Variants in ASAP2 observed in about 807,000 individuals in gnomAD.
ASAP2 encodes arf-GAP with SH3 domain, ANK repeat and PH domain-containing protein 2.
ASAP2 carries 45 observed loss-of-function variants against 131.4 expected under a neutral mutation model. The ratio of observed to expected loss-of-function variants is 0.34; its 90% CI spans 0.27 to 0.44. The LOEUF (loss-of-function observed/expected upper bound fraction) is 0.44. Among genes scored for constraint, ASAP2 ranks in the 20% least tolerant of loss-of-function variants. The pLI, the probability that ASAP2 is intolerant of heterozygous loss-of-function variation, is 1.00. For missense variants in ASAP2, 1,011 were observed against 1,297.0 expected (o/e 0.78, Z 3.39); for synonymous variants, 510 against 503.0 (o/e 1.01, Z -0.19).
chr2:9,254,502 A>T (rs13010031), intron 1 of ASAP2, among the ~76,000 whole-genome samples: 67,650 of 129,412 alleles, frequency 0.52, 19,052 homozygotes, highest in African/African-American at 0.72. Flanking sequence ...ACAGGCATGC[A>T]CCACTACCCC....
At chr2:9,368,302 A>C (rs900707820) in intron 15 of ASAP2, 123 bp from the exon 16 acceptor site, 2 of 893,292 alleles carry the variant, frequency 2.2e-6, no homozygotes, top group African/African-American at 3.3e-5. Flanking sequence ...CATTAAAGGC[A>C]AACCACTTTA....
chr2:9,235,203 G>T (rs1211622615), intron 1 of ASAP2, among the ~76,000 whole-genome samples: 4 of 152,216 alleles, frequency 2.6e-5, no homozygotes, highest in Admixed American at 1.3e-4. Context: ...TAGAGATGGG[G>T]CCTGTAGTTT....
rs939024300 is a variant in ASAP2 at position 9,402,355 on chromosome 2, C to T, written c.2947-898C>T. Among the ~76,000 whole-genome samples, 7 of 152,322 alleles carry T rather than the reference C, an allele frequency of 4.6e-5. 1 individual carries two copies. Among genetic ancestry groups the T allele is most frequent in the Admixed American group, 3.3e-4 (5 of 15,308 alleles). On this transcript the variant is annotated intron_variant, in intron 27 of 27. Coordinates refer to ENST00000281419, the MANE Select transcript of ASAP2 (RefSeq NM_003887.3). ...GGATTGAAAGTGTCTGTGGCCTGGG[C>T]GCGGTGGCTCACGCCCATAATCCCA...
intron 7 of ASAP2, among the ~76,000 whole-genome samples, chr2:9,334,032 C>CT (rs1191657095): frequency 7.6e-6 from 1 of 131,680 alleles, no homozygotes; most frequent in Non-Finnish European, 1.6e-5. Context: ...CTGTCTCTGT[C>CT]TTTCTCCTTT....
intron 19 of ASAP2, among the ~76,000 whole-genome samples, chr2:9,379,862 C>T (rs528523300): frequency 7.9e-5 from 12 of 151,924 alleles, no homozygotes; most frequent in East Asian, 7.8e-4. Context: ...TATGGTGGCG[C>T]GCACCTGTAG....
intron 1 of ASAP2, among the ~76,000 whole-genome samples, chr2:9,276,931 T>C (rs1666798027): frequency 6.6e-6 from 1 of 152,208 alleles, no homozygotes; most frequent in African/African-American, 2.4e-5. Context: ...CTTCTAATGC[T>C]TCCAGAGAGC....
chr2:9,348,371 T>A (rs1464155453), intron 11 of ASAP2, among the ~76,000 whole-genome samples: 2 of 152,208 alleles, frequency 1.3e-5, no homozygotes, highest in Non-Finnish European at 2.9e-5. Context: ...GTGATCTACC[T>A]GCCTCAGCCT....
intron 12 of ASAP2, 55 bp from the exon 13 acceptor site, chr2:9,355,992 A>T: frequency 6.3e-7 from 1 of 1,586,386 alleles, no homozygotes; most frequent in Non-Finnish European, 8.7e-7. Context: ...TTTCTTTTGG[A>T]ATTGTGTATG....
chr2:9,303,018 T>C (rs1198248682), intron 3 of ASAP2, among the ~76,000 whole-genome samples: 4 of 152,190 alleles, frequency 2.6e-5, no homozygotes, highest in Non-Finnish European at 5.9e-5. Flanking sequence ...GTAAGGCTTG[T>C]CTCGTCACTC....
At chr2:9,224,982 A>G (rs1191084568) in intron 1 of ASAP2, among the ~76,000 whole-genome samples, 1 of 152,168 alleles carries the variant, frequency 6.6e-6, no homozygotes, top group Admixed American at 6.5e-5. Flanking sequence ...GGCTAGCTTG[A>G]GTCAAGGTGC....
At chr2:9,258,332 G>GTTTTTTTTTTTTTT (rs769009726) in intron 1 of ASAP2, among the ~76,000 whole-genome samples, 1 of 112,546 alleles carries the variant, frequency 8.9e-6, no homozygotes, top group Non-Finnish European at 1.8e-5. Flanking sequence ...GTAATCAGTA[G>GTTTTTTTTTTTTTT]TTGTTTTTTT....
intron 27 of ASAP2, 118 bp from the exon 28 acceptor site, chr2:9,403,135 C>A: frequency 1.3e-6 from 1 of 772,460 alleles, no homozygotes; most frequent in South Asian, 1.7e-5. Context: ...AATTCCTTGT[C>A]GGAAGAGTCT....
At chr2:9,371,137 C>G in intron 16 of ASAP2, among the ~76,000 whole-genome samples, 1 of 152,210 alleles carries the variant, frequency 6.6e-6, no homozygotes, top group Non-Finnish European at 1.5e-5. Flanking sequence ...TGTAGCCCTC[C>G]TCCAGCCTTG....
At chr2:9,334,016 C>CT (rs1320099765) in intron 7 of ASAP2, among the ~76,000 whole-genome samples, 1 of 146,244 alleles carries the variant, frequency 6.8e-6, no homozygotes, top group African/African-American at 2.6e-5. Context: ...TTATTTCTCT[C>CT]TCTCTCTGTC....
At chr2:9,221,264 ATCTATCATAACCTCT>A (rs532791503) in intron 1 of ASAP2, among the ~76,000 whole-genome samples, 82 of 151,656 alleles carry the variant, frequency 5.4e-4, no homozygotes, top group South Asian at 3.7e-3. Flanking sequence ...CATCTTAACA[ATCTATCATAACCTCT>A]TCTATCTATG....
chr2:9,211,561 T>G (rs575408339), intron 1 of ASAP2, among the ~76,000 whole-genome samples: 1 of 152,340 alleles, frequency 6.6e-6, no homozygotes, highest in South Asian at 2.1e-4. Flanking sequence ...ATAAATTTGA[T>G]GTTGACTTGT....
intron 7 of ASAP2, among the ~76,000 whole-genome samples, chr2:9,331,060 C>T (rs779486035): frequency 6.6e-6 from 1 of 152,198 alleles, no homozygotes; most frequent in African/African-American, 2.4e-5. Context: ...CGTGTGGGAG[C>T]GCCTCTCATT....
intron 1 of ASAP2, among the ~76,000 whole-genome samples, chr2:9,253,430 C>T (rs1190198651): frequency 6.6e-6 from 1 of 151,398 alleles, no homozygotes; most frequent in Non-Finnish European, 1.5e-5. Context: ...TCCCAAAGTG[C>T]TAGGATTACA....
chr2:9,338,040 G>A (rs906587003), intron 9 of ASAP2, among the ~76,000 whole-genome samples: 5 of 152,142 alleles, frequency 3.3e-5, no homozygotes, highest in African/African-American at 1.2e-4. Context: ...CTCTCTCCCC[G>A]TCAGCCTCGC....
Sources: gnomAD v4.1 joint callset for allele counts (sites outside exome capture counted in the v4.1 genomes callset) on GRCh38, gnomAD v4.1.1 for gene constraint, MANE v1.5 for transcripts, NCBI Gene and HGNC (gene_info 2026-07-23, HGNC 2026-07-21) for gene names.